The following SLC6A12 variants were observed in gnomAD, a reference collection of about 807,000 sequenced individuals.
The protein encoded by SLC6A12 is sodium- and chloride-dependent betaine transporter.
A neutral mutation model predicts 73.3 loss-of-function variants in SLC6A12; 50 were observed. That is an observed-to-expected ratio of 0.68 (90% CI 0.54 to 0.86). The LOEUF is 0.86. SLC6A12 is among the 40% of genes least tolerant of loss of function. SLC6A12 has a pLI of 0.00. For missense variants in SLC6A12, 648 were observed against 772.8 expected (o/e 0.84, Z 1.92); for synonymous variants, 304 against 309.2 (o/e 0.98, Z 0.18).
chr12:191,602 T>C (rs12425688), intron 15 of SLC6A12, among the ~76,000 whole-genome samples: 3 of 136,370 alleles, frequency 2.2e-5, no homozygotes, highest in Admixed American at 7.4e-5. Context: ...GTTATTACTA[T>C]TATTATGTGC....
At position 202,721 on chromosome 12, in the gene SLC6A12, GGGCTGAA is replaced by G; in HGVS notation, c.490+12_490+18del. On this transcript the variant is annotated intron_variant, in intron 5 of 15. Coordinates refer to ENST00000684302, the MANE Select transcript of SLC6A12 (RefSeq NM_001122848.3). ...CAGCCCCTAACAGGCAACATCCCAG[GGGCTGAA>G]ATGATGGATACCTGTGTTCCAAAAG... is the stretch of plus-strand genomic sequence containing the variant. 1 of 1,609,762 alleles carries G rather than the reference GGGCTGAA, an allele frequency of 6.2e-7. No homozygotes were observed. The highest frequency in any genetic ancestry group is 8.5e-7 in the Non-Finnish European group (1 of 1,177,474).
At position 202,786 on chromosome 12, in the gene SLC6A12, G is replaced by T. The variant is rs1940346797; in HGVS notation, c.444C>A (p.Phe148Leu). The change falls in exon 5 of 16, where the codon TTC becomes TTA. Residue 148 changes from phenylalanine to leucine, a missense_variant. Phe to Leu is a conservative substitution (Grantham distance 22). Coordinates refer to ENST00000684302, the MANE Select transcript of SLC6A12 (RefSeq NM_001122848.3). The part of the protein sequence containing the change: ...AWALFYLFSS[F>L]TSELPWTTCN... ...AGGTCGTCCAGGGCAGCTCAGAAGT[G>T]AAGGAGCTGAACAGGTAGAAGAGAG... 6.2e-7 allele frequency: 1 copy of T among 1,613,854 alleles called. No homozygotes were observed. The highest frequency in any genetic ancestry group is 1.7e-5 in the Admixed American group (1 of 60,004).
chr12:187,589 C>CAACAAA (rs1939453773), downstream of SLC6A12, among the ~76,000 whole-genome samples: 1 of 106,074 alleles, frequency 9.4e-6, no homozygotes, highest in African/African-American at 5.3e-5. Flanking sequence ...TGCAAAAGAG[C>CAACAAA]AAAAAAAAAA....
downstream of SLC6A12, among the ~76,000 whole-genome samples, chr12:186,682 C>T (rs904940896): frequency 1.3e-5 from 2 of 152,246 alleles, no homozygotes; most frequent in Admixed American, 6.5e-5. Context: ...AACTGTCCCC[C>T]CAGACAATTA....
rs1940841051 is a variant in SLC6A12 at position 210,049 on chromosome 12, G to A, written c.-57-6C>T. The A allele has an allele frequency of 6.3e-7, 1 of 1,585,616 alleles. No homozygotes were observed. The highest frequency in any genetic ancestry group is 1.1e-5 in the South Asian group (1 of 88,666). On this transcript the variant is annotated splice_polypyrimidine_tract_variant and splice_region_variant and intron_variant, in intron 2 of 15. Transcript: ENST00000684302. ...AGGATGACGAGGGCCAAAGCCTGGT[G>A]GGAAGAGAAGAAATTAGCTGTAAAA... is the stretch of plus-strand genomic sequence containing the variant.
At chr12:194,842 C>T (rs1213727198) in intron 13 of SLC6A12, among the ~76,000 whole-genome samples, 7 of 152,126 alleles carry the variant, frequency 4.6e-5, no homozygotes, top group Admixed American at 1.3e-4. Context: ...GTGATCGCCT[C>T]GTTGTTGGAA....
chr12:198,402 A>G lies in SLC6A12; in HGVS notation c.846+395T>C, dbSNP rs1940035080. 6.6e-6 allele frequency among the ~76,000 whole-genome samples: 1 copy of G among 152,160 alleles called. No individual in the cohort carries two copies. Among genetic ancestry groups the G allele is most frequent in the African/African-American group, 2.4e-5 (1 of 41,430 alleles). ...GGGACAAAGAGGCTGCTTCATCAAA[A>G]TATCAAGAGAAAATGCCCAGGAACC... On this transcript the variant is annotated intron_variant, in intron 8 of 15. Transcript: ENST00000684302. The surrounding 1 kb of genome is among the most constrained non-coding windows in gnomAD (Gnocchi z 4.0).
intron 10 of SLC6A12, among the ~76,000 whole-genome samples, 194 bp downstream of exon 10, chr12:197,182 CA>C (rs1939952627): frequency 2.4e-5 from 2 of 84,282 alleles, no homozygotes; most frequent in Non-Finnish European, 5.4e-5. Flanking sequence ...TCCATCCATC[CA>C]TCCATCCATC....
rs780545136 is a variant in SLC6A12 at position 201,862 on chromosome 12, A to G, written c.491-13T>C. Reference sequence around the variant, plus strand: ...TCCGTGCAATGCTCTGTTGGGGACAAGGTTAGGGACAAGATGGAGAGAGAT... The same window carrying G: ...TCCGTGCAATGCTCTGTTGGGGACAGGGTTAGGGACAAGATGGAGAGAGAT... On this transcript the variant is annotated splice_polypyrimidine_tract_variant and intron_variant, in intron 5 of 15. Transcript: ENST00000684302. 1.2e-6 allele frequency: 2 copies of G among 1,610,528 alleles called. No homozygotes were observed. The highest frequency in any genetic ancestry group is 2.2e-5 in the South Asian group (2 of 90,972).
chr12:202,041 G>T (rs1940297913), intron 5 of SLC6A12, among the ~76,000 whole-genome samples, 192 bp from the exon 6 acceptor site: 1 of 152,150 alleles, frequency 6.6e-6, no homozygotes, highest in Admixed American at 6.5e-5. Context: ...TGTTCCCTGT[G>T]AATCTGCCTG....
intron 2 of SLC6A12, chr12:210,254 A>T: frequency 8.8e-7 from 1 of 1,140,424 alleles, no homozygotes; most frequent in Non-Finnish European, 1.2e-6. Flanking sequence ...TGGCAGATGA[A>T]GTGATTCACC....
chr12:199,992 A>G (rs1940124268), intron 7 of SLC6A12, among the ~76,000 whole-genome samples: 1 of 152,186 alleles, frequency 6.6e-6, no homozygotes, highest in Non-Finnish European at 1.5e-5. Flanking sequence ...CATACGTATG[A>G]GAGAAACCAG....
chr12:197,168 TC>T (rs1939941388), intron 10 of SLC6A12, among the ~76,000 whole-genome samples: 1 of 67,802 alleles, frequency 1.5e-5, no homozygotes. Context: ...CATCCATCCA[TC>T]CATCCATCCA....
chr12:202,481 C>A (rs1293430839), intron 5 of SLC6A12, among the ~76,000 whole-genome samples: 1 of 152,170 alleles, frequency 6.6e-6, no homozygotes, highest in Admixed American at 6.5e-5. Flanking sequence ...GCTTGTTAAG[C>A]GCACAAATGA....
At chr12:208,025 C>T (rs1381867394) in intron 3 of SLC6A12, among the ~76,000 whole-genome samples, 3 of 152,226 alleles carry the variant, frequency 2.0e-5, no homozygotes, top group East Asian at 1.9e-4. Flanking sequence ...CGCCCGACAC[C>T]GCGGCCCTGC....
At chr12:204,880 G>A in intron 3 of SLC6A12, 182 bp from the exon 4 acceptor site, 3 of 631,666 alleles carry the variant, frequency 4.7e-6, no homozygotes, top group Non-Finnish European at 8.3e-6. Context: ...AGGCACAGGT[G>A]GGAATGTTCT....
At chr12:199,588 C>T (rs1940104662) in intron 7 of SLC6A12, 1 of 152,292 alleles carries the variant, frequency 6.6e-6, no homozygotes, top group South Asian at 2.1e-4. Context: ...GCTGTTATTA[C>T]TACGATGATC....
Position 198,145 on chromosome 12 carries a change from C to T in SLC6A12, c.847-142G>A, listed in dbSNP as rs1940021434. The T allele has an allele frequency of 4.6e-6, 3 of 650,022 alleles. No individual in the cohort carries two copies. The highest frequency in any genetic ancestry group is 1.8e-5 in the African/African-American group (1 of 55,114). 40.3% of individuals were successfully genotyped at this position (650,022 alleles called of 1,614,324 possible). On this transcript the variant is annotated intron_variant, in intron 8 of 15. Transcript: ENST00000684302. The surrounding 1 kb of genome is among the most constrained non-coding windows in gnomAD (Gnocchi z 4.0). ...GCTTCCCTCCTGCATCCCAACTCTC[C>T]GTGAGTGCGCCCTCCGGTCTCCACG...
chr12:201,801 G>T lies in SLC6A12; in HGVS notation c.539C>A (p.Pro180Gln). ...LNHSGAGTVT[P>Q]FENFTSPVME... ...GACAGGTGAGGTAAAATTCTCAAAT[G>T]GGGTCACTGTGCCGGCTCCTGAGTG... is the stretch of plus-strand genomic sequence containing the variant. Residue 180 changes from proline (P) to glutamine (Q), a missense_variant, in exon 6 of 16, where the codon CCA becomes CAA. Physicochemically the swap from Pro to Gln is moderately conservative, Grantham distance 76 (BLOSUM62 -1). Transcript: ENST00000684302. 6.2e-7 allele frequency: 1 copy of T among 1,614,122 alleles called. No individual in the cohort carries two copies. Among genetic ancestry groups the T allele is most frequent in the Non-Finnish European group, 8.5e-7 (1 of 1,179,974 alleles).
Sources: allele counts gnomAD v4.1 joint callset (sites outside exome capture counted in the v4.1 genomes callset), GRCh38; gene constraint gnomAD v4.1.1; non-coding constraint Gnocchi (gnomAD v3.1); transcripts MANE v1.5; gene names NCBI Gene and HGNC (gene_info 2026-07-23, HGNC 2026-07-21).